The following MYOF variants were observed in gnomAD, a reference collection of about 807,000 sequenced individuals.
MYOF encodes fer-1-like 3, myoferlin.
In MYOF, 244 loss-of-function variants were observed where a neutral mutation model predicts 284.2. The observed-to-expected ratio is 0.86, with a 90% confidence interval of 0.77 to 0.95. The LOEUF is 0.95. Ranked by LOEUF, MYOF falls within the 40% of genes least tolerant of loss-of-function variation. The pLI is 0.00. For missense variants in MYOF, 2,496 were observed against 2,560.6 expected, an observed-to-expected ratio of 0.97 and a Z score of 0.54; for synonymous variants, 904 against 919.7, an observed-to-expected ratio of 0.98 and a Z score of 0.31.
intron 3 of MYOF, among the ~76,000 whole-genome samples, chr10:93,445,999 C>A (rs1282152521): frequency 6.8e-6 from 1 of 146,686 alleles, no homozygotes; most frequent in African/African-American, 2.5e-5. Flanking sequence ...ATAGTTTATT[C>A]CCAGATGGTT....
intron 39 of MYOF, among the ~76,000 whole-genome samples, 196 bp downstream of exon 39, chr10:93,339,957 T>C (rs1309952512): frequency 6.6e-6 from 1 of 152,028 alleles, no homozygotes; most frequent in Non-Finnish European, 1.5e-5. Flanking sequence ...TGGGCGCCTG[T>C]AGTTCCAGCT....
At chr10:93,460,715 C>T (rs140734660) in intron 1 of MYOF, among the ~76,000 whole-genome samples, 10,844 of 144,680 alleles carry the variant, frequency 0.075, 520 homozygotes, top group Middle Eastern at 0.12. Flanking sequence ...TGCAGTGAGC[C>T]GAGATCAAGC....
chr10:93,347,601 C>A lies in MYOF; in HGVS notation c.4249+16G>T, dbSNP rs1207313353. The A allele has an allele frequency of 5.8e-6, 9 of 1,562,670 alleles. No individual in the cohort carries two copies. In the African/African-American group the frequency reaches 1.2e-4, roughly 22 times the overall value. On this transcript the variant is annotated intron_variant, in intron 37 of 53. Coordinates refer to ENST00000359263, the MANE Select transcript of MYOF (RefSeq NM_013451.4). ...AAAGAAAAGCCCCCAGACTTATGCACAGCCTTGCATGTTACCTTTGAGCTG... is the reference window on the plus strand; with the variant it reads ...AAAGAAAAGCCCCCAGACTTATGCAAAGCCTTGCATGTTACCTTTGAGCTG...
chr10:93,383,524 G>A (rs543830286), intron 19 of MYOF, among the ~76,000 whole-genome samples: 7 of 152,236 alleles, frequency 4.6e-5, no homozygotes, highest in Non-Finnish European at 8.8e-5. Context: ...GGGGGTGCAC[G>A]CTACTTGTCA....
intron 2 of MYOF, among the ~76,000 whole-genome samples, chr10:93,454,765 A>C (rs1250888957): frequency 1.3e-5 from 2 of 152,004 alleles, no homozygotes; most frequent in East Asian, 3.9e-4. Flanking sequence ...ATGGCTTGAG[A>C]CCAGGAACTC....
At chr10:93,426,789 G>A (rs1848606375) in intron 4 of MYOF, among the ~76,000 whole-genome samples, 1 of 151,994 alleles carries the variant, frequency 6.6e-6, no homozygotes, top group African/African-American at 2.4e-5. Context: ...CTCAGAGGCT[G>A]AGGCAGAAGA....
In MYOF at chr10:93,355,722, G is replaced by A. The variant is rs762257204; in HGVS notation, c.3309C>T (p.Thr1103=). The A allele has an allele frequency of 1.7e-5, 27 of 1,612,336 alleles. No homozygotes were observed. Among genetic ancestry groups the A allele is most frequent in the Middle Eastern group, 1.6e-4 (1 of 6,072 alleles). Residue 1103 remains threonine (T), a synonymous_variant, in exon 31 of 54, where the codon ACC becomes ACT. Transcript: ENST00000359263. Reference sequence around the variant, plus strand: ...CCAGGCTCTTCTCATCCCCATCTTCGGTAGTGTCTGCCCCCTGAAGTCAAT... The same window carrying A: ...CCAGGCTCTTCTCATCCCCATCTTCAGTAGTGTCTGCCCCCTGAAGTCAAT... ...KLEGALGADT[T]EDGDEKSLEK...
chr10:93,361,209 A>G (rs903694940), intron 28 of MYOF, among the ~76,000 whole-genome samples: 4 of 152,164 alleles, frequency 2.6e-5, no homozygotes, highest in Non-Finnish European at 4.4e-5. Context: ...GGAGAATCTA[A>G]TGCTGCCACG....
intron 3 of MYOF, among the ~76,000 whole-genome samples, chr10:93,433,887 C>T (rs150718561): frequency 3.9e-5 from 6 of 152,294 alleles, no homozygotes; most frequent in African/African-American, 7.2e-5. Flanking sequence ...TAGATTTTAA[C>T]GCTGGGGTCT....
intron 3 of MYOF, among the ~76,000 whole-genome samples, chr10:93,443,796 C>A (rs1370298824): frequency 8.5e-5 from 13 of 152,066 alleles, no homozygotes; most frequent in Non-Finnish European, 4.4e-5. Flanking sequence ...TAAATCTAAT[C>A]CCTTAGCATA....
chr10:93,442,330 A>G (rs1331994464), intron 3 of MYOF, among the ~76,000 whole-genome samples: 1 of 152,020 alleles, frequency 6.6e-6, no homozygotes, highest in Non-Finnish European at 1.5e-5. Context: ...AAATTGAAGT[A>G]ATTTTTTCTT....
intron 45 of MYOF, among the ~76,000 whole-genome samples, chr10:93,327,037 A>G (rs1843079232): frequency 1.3e-5 from 2 of 151,988 alleles, no homozygotes; most frequent in Non-Finnish European, 2.9e-5. Flanking sequence ...CAAACACTGG[A>G]GTATGGAGAA....
chr10:93,333,855 T>C lies in MYOF; in HGVS notation c.4622A>G (p.Gln1541Arg). The C allele has an allele frequency of 2.5e-6, 4 of 1,613,910 alleles. No homozygotes were observed. The highest frequency in any genetic ancestry group is 1.3e-5 in the African/African-American group (1 of 74,950). Reference sequence around the variant, plus strand: ...GACGCTGTCAGGTAATTCCCGAAACTGTCTGGGAGGGGCTGGCACGCTGGG... The same window carrying C: ...GACGCTGTCAGGTAATTCCCGAAACCGTCTGGGAGGGGCTGGCACGCTGGG... ...DDPSVPAPPRQFRELPDSVPQ... is the reference protein window; with the variant it reads ...DDPSVPAPPRRFRELPDSVPQ... Residue 1541 changes from glutamine to arginine, a missense_variant, in exon 42 of 54, where the codon CAG becomes CGG. Gln to Arg is a conservative substitution (Grantham distance 43). Coordinates refer to ENST00000359263, the MANE Select transcript of MYOF (RefSeq NM_013451.4).
chr10:93,326,372 C>A (rs895764520), intron 45 of MYOF, among the ~76,000 whole-genome samples: 10 of 152,126 alleles, frequency 6.6e-5, no homozygotes, highest in African/African-American at 2.2e-4. Flanking sequence ...GCCCATAAAT[C>A]CCTCCTGGGT....
intron 5 of MYOF, among the ~76,000 whole-genome samples, chr10:93,414,099 C>T (rs771954501): frequency 1.3e-5 from 2 of 152,192 alleles, no homozygotes; most frequent in Non-Finnish European, 2.9e-5. Flanking sequence ...TCTCTGAAGC[C>T]TCGAGGGAAA....
chr10:93,427,864 T>C (rs1848666584), intron 4 of MYOF, among the ~76,000 whole-genome samples: 1 of 152,108 alleles, frequency 6.6e-6, no homozygotes, highest in Admixed American at 6.6e-5. Flanking sequence ...GTTTGCTGTA[T>C]ACAGTACTTT....
intron 40 of MYOF, among the ~76,000 whole-genome samples, chr10:93,336,416 TAC>T (rs759139486): frequency 4.7e-4 from 72 of 152,258 alleles, no homozygotes; most frequent in African/African-American, 1.7e-3. Context: ...AAACTATGAA[TAC>T]ACACAACCAC....
At chr10:93,409,106 G>C (rs1015892217) in intron 6 of MYOF, among the ~76,000 whole-genome samples, 191 bp from the exon 7 acceptor site, 2 of 152,162 alleles carry the variant, frequency 1.3e-5, no homozygotes, top group African/African-American at 2.4e-5. Context: ...AACTGGGGTT[G>C]GGTTATAGAG....
intron 28 of MYOF, among the ~76,000 whole-genome samples, chr10:93,360,824 G>T (rs1045199219): frequency 6.6e-6 from 1 of 152,140 alleles, no homozygotes; most frequent in Admixed American, 6.5e-5. Flanking sequence ...TATGGGGTGT[G>T]GTTAGAATAG....
Sources: gnomAD v4.1 joint callset for allele counts (sites outside exome capture counted in the v4.1 genomes callset) on GRCh38, gnomAD v4.1.1 for gene constraint, MANE v1.5 for transcripts, NCBI Gene and HGNC (gene_info 2026-07-23, HGNC 2026-07-21) for gene names.